Variants in XPR1 observed in about 807,000 individuals in gnomAD.
The protein encoded by XPR1 is xenotropic and polytropic retrovirus receptor 1, also known as solute carrier family 53 member 1.
In XPR1, 28 loss-of-function variants were observed where a neutral mutation model predicts 87.5. That is an observed-to-expected ratio of 0.32 (90% CI 0.24 to 0.44). XPR1 has a LOEUF of 0.44. XPR1 is among the 20% of genes least tolerant of loss of function. XPR1 has a pLI of 1.00. For synonymous variants in XPR1, 300 were observed against 306.1 expected (o/e 0.98, Z 0.21); for missense variants, 559 against 862.3 (o/e 0.65, Z 4.41).
intron 11 of XPR1, among the ~76,000 whole-genome samples, chr1:180,858,507 T>C (rs1652108472): frequency 6.6e-6 from 1 of 152,246 alleles, no homozygotes; most frequent in African/African-American, 2.4e-5. Flanking sequence ...AAAGTTGAGA[T>C]GGACTTAGAG....
At chr1:180,863,925 T>C in intron 12 of XPR1, 51 bp downstream of exon 12, 1 of 1,469,972 alleles carries the variant, frequency 6.8e-7, no homozygotes, top group South Asian at 1.6e-5. Flanking sequence ...GGTATACCAC[T>C]AGCTAATCCT....
rs1056609021 is a variant in XPR1, at chr1:180,666,032, A to G, written c.70-16328A>G. Reference sequence around the variant, plus strand: ...TTCCTTCTTTTGGGTATAGATATCCAATTTTCCCAGTACTATTTGTTGAAA... The same window carrying G: ...TTCCTTCTTTTGGGTATAGATATCCGATTTTCCCAGTACTATTTGTTGAAA... On this transcript the variant is annotated intron_variant, in intron 1 of 14. Transcript: ENST00000367590. 5.9e-5 allele frequency among the ~76,000 whole-genome samples: 9 copies of G among 152,266 alleles called. No homozygotes were observed. The South Asian group carries it at 1.0e-3, about 18-fold the overall frequency.
chr1:180,684,750 A>T (rs909829588), intron 2 of XPR1, among the ~76,000 whole-genome samples: 1 of 152,162 alleles, frequency 6.6e-6, no homozygotes, highest in Non-Finnish European at 1.5e-5. Context: ...CTTTGAAGCA[A>T]TGGTGAATGG....
intron 2 of XPR1, among the ~76,000 whole-genome samples, chr1:180,701,903 A>AT (rs1377218799): frequency 8.1e-6 from 1 of 123,516 alleles, no homozygotes; most frequent in Non-Finnish European, 1.7e-5. Context: ...GGATTCATTG[A>AT]TTTTTTGAAG....
intron 2 of XPR1, among the ~76,000 whole-genome samples, chr1:180,777,513 C>T (rs1648769439): frequency 6.6e-6 from 1 of 152,162 alleles, no homozygotes; most frequent in African/African-American, 2.4e-5. Context: ...CCTACCCCTG[C>T]CACATTGCCT....
intron 11 of XPR1, among the ~76,000 whole-genome samples, chr1:180,842,375 A>C (rs909307254): frequency 5.9e-5 from 9 of 152,180 alleles, no homozygotes; most frequent in African/African-American, 2.2e-4. Context: ...TTTGGAAAGT[A>C]AGGGAGGAGG....
At chr1:180,757,627 C>A (rs2102045825) in intron 2 of XPR1, among the ~76,000 whole-genome samples, 1 of 151,518 alleles carries the variant, frequency 6.6e-6, no homozygotes, top group South Asian at 2.1e-4. Flanking sequence ...AGAGAGCCTT[C>A]CGCCTCAGCC....
Position 180,655,288 on chromosome 1 carries a change from G to C in XPR1, c.69+23018G>C, listed in dbSNP as rs555347590. Among the ~76,000 whole-genome samples the C allele has an allele frequency of 1.9e-3, 294 of 151,826 alleles. 1 individual carries two copies. The highest frequency in any genetic ancestry group is 6.1e-3 in the African/African-American group (251 of 41,396). Reference sequence around the variant, plus strand: ...GATTGTTTTTTATTGTTGAGTTTTAGGAGTTCTCTATCTATTCTGGATATG... The same window carrying C: ...GATTGTTTTTTATTGTTGAGTTTTACGAGTTCTCTATCTATTCTGGATATG... On this transcript the variant is annotated intron_variant, in intron 1 of 14. Transcript: ENST00000367590.
chr1:180,799,096 A>G (rs1235042834), intron 3 of XPR1, among the ~76,000 whole-genome samples: 1 of 152,140 alleles, frequency 6.6e-6, no homozygotes, highest in East Asian at 1.9e-4. Flanking sequence ...CCATTGTTTC[A>G]TTAGTACAAA....
At chr1:180,734,238 C>T (rs898446237) in intron 2 of XPR1, among the ~76,000 whole-genome samples, 3 of 152,146 alleles carry the variant, frequency 2.0e-5, no homozygotes, top group African/African-American at 7.2e-5. Flanking sequence ...GAAAGCCAAC[C>T]ACTGAAAAAG....
At chr1:180,715,956 A>T (rs777796698) in intron 2 of XPR1, among the ~76,000 whole-genome samples, 1 of 152,172 alleles carries the variant, frequency 6.6e-6, no homozygotes, top group Non-Finnish European at 1.5e-5. Flanking sequence ...TACAGGTGTA[A>T]GTCACCGTAC....
Position 180,633,243 on chromosome 1 carries a change from C to G in XPR1, c.69+973C>G, listed in dbSNP as rs565011904. Among the ~76,000 whole-genome samples the G allele has an allele frequency of 1.6e-3, 250 of 152,136 alleles. 1 individual carries two copies. The highest frequency in any genetic ancestry group is 2.7e-3 in the Non-Finnish European group (185 of 67,966). Reference sequence around the variant, plus strand: ...TTTATATGTTCAGAAGACAAGATACCTAAGAGGCTTTAAGCATTGCAATAG... The same window carrying G: ...TTTATATGTTCAGAAGACAAGATACGTAAGAGGCTTTAAGCATTGCAATAG... On this transcript the variant is annotated intron_variant, in intron 1 of 14. Transcript: ENST00000367590.
chr1:180,855,837 A>G (rs1217978791), intron 11 of XPR1, among the ~76,000 whole-genome samples: 3 of 152,136 alleles, frequency 2.0e-5, no homozygotes, highest in African/African-American at 7.2e-5. Flanking sequence ...TTCTCCCTAC[A>G]TGCTTATTTA....
intron 2 of XPR1, among the ~76,000 whole-genome samples, chr1:180,748,012 A>T (rs1260810544): frequency 2.0e-5 from 3 of 152,270 alleles, no homozygotes; most frequent in Non-Finnish European, 4.4e-5. Flanking sequence ...ATCTTATGTG[A>T]ATCATATTAT....
At chr1:180,836,433 G>A (rs1231858259) in intron 10 of XPR1, 89 bp from the exon 11 acceptor site, 2 of 1,427,324 alleles carry the variant, frequency 1.4e-6, no homozygotes, top group African/African-American at 2.9e-5. Flanking sequence ...TGCTTTTTTA[G>A]ACTTGGTATT....
In XPR1 at chr1:180,695,447, C is replaced by T. The variant is rs866272626; in HGVS notation, c.121+13036C>T. On this transcript the variant is annotated intron_variant, in intron 2 of 14. Coordinates refer to ENST00000367590, the MANE Select transcript of XPR1 (RefSeq NM_004736.4). The stretch of plus-strand genomic sequence containing the variant: ...GTGTGTGTGTGTGTGTGTGTATGCG[C>T]GCGCACGCGCGCGCTTTTGTTGCCT... Among the ~76,000 whole-genome samples the T allele has an allele frequency of 3.5e-4, 26 of 74,800 alleles. No individual in the cohort carries two copies. In the East Asian group the frequency reaches 0.013, roughly 37 times the overall value. The allele number at this position is 74,800 out of a possible 152,430, so 49.1% of individuals were successfully genotyped here. A position where few individuals can be genotyped will look rare whatever the true frequency, so the allele number is the denominator to read the frequency against.
At chr1:180,825,048 T>G in intron 8 of XPR1, 105 bp downstream of exon 8, 1 of 1,493,242 alleles carries the variant, frequency 6.7e-7, no homozygotes, top group Non-Finnish European at 9.0e-7. Context: ...AAGAGGATTA[T>G]TAGCTTAATA....
chr1:180,809,665 A>G (rs1254322375), intron 6 of XPR1, among the ~76,000 whole-genome samples: 1 of 152,162 alleles, frequency 6.6e-6, no homozygotes, highest in Non-Finnish European at 1.5e-5. Context: ...GGAAGTGGTT[A>G]TCTCTGGTGC....
At chr1:180,773,922 A>G (rs562425949) in intron 2 of XPR1, among the ~76,000 whole-genome samples, 15 of 152,324 alleles carry the variant, frequency 9.8e-5, no homozygotes, top group Middle Eastern at 3.4e-3. Flanking sequence ...CCACTTGTCC[A>G]GATCTTCTAT....
Sources: gnomAD v4.1 joint callset for allele counts (sites outside exome capture counted in the v4.1 genomes callset) on GRCh38, gnomAD v4.1.1 for gene constraint, MANE v1.5 for transcripts, NCBI Gene and HGNC (gene_info 2026-07-23, HGNC 2026-07-21) for gene names.